Variants in TUBD1 observed in about 807,000 individuals in gnomAD.
The protein encoded by TUBD1 is tubulin delta 1.
In TUBD1, 38 loss-of-function variants were observed where a neutral mutation model predicts 51.2. The ratio of observed to expected loss-of-function variants is 0.74; its 90% CI spans 0.57 to 0.97. The LOEUF (loss-of-function observed/expected upper bound fraction) is 0.97. Ranked by LOEUF, TUBD1 falls within the 50% of genes least tolerant of loss-of-function variation. The probability of loss-of-function intolerance (pLI) is 0.00; values close to 1 mark genes in which losing one functional copy is unlikely to be tolerated. For synonymous variants in TUBD1, 169 were observed against 178.2 expected (o/e 0.95, Z 0.41); for missense variants, 489 against 538.4 (o/e 0.91, Z 0.91).
chr17:59,875,579 T>C (rs532332689), intron 5 of TUBD1, among the ~76,000 whole-genome samples: 5 of 151,732 alleles, frequency 3.3e-5, no homozygotes, highest in African/African-American at 9.7e-5. Flanking sequence ...TTGGTCTTAA[T>C]AGAAACACTG....
chr17:59,889,685 A>AG (rs2040904945), intron 2 of TUBD1, among the ~76,000 whole-genome samples: 1 of 149,812 alleles, frequency 6.7e-6, no homozygotes, highest in African/African-American at 2.5e-5. Context: ...AAAAAAAAAA[A>AG]AAGAAAAAGA....
At chr17:59,868,283 CAA>C (rs11401623) in intron 6 of TUBD1, among the ~76,000 whole-genome samples, 4 of 49,128 alleles carry the variant, frequency 8.1e-5, no homozygotes, top group African/African-American at 1.5e-4. Context: ...GACTCCATGT[CAA>C]AAAAAAAAAA....
intron 3 of TUBD1, among the ~76,000 whole-genome samples, chr17:59,881,991 C>G (rs937842944): frequency 6.6e-6 from 1 of 152,020 alleles, no homozygotes; most frequent in African/African-American, 2.4e-5. Context: ...TTGATATATA[C>G]AATAAATTAT....
chr17:59,875,213 A>G (rs1364743035), intron 5 of TUBD1, among the ~76,000 whole-genome samples: 1 of 150,202 alleles, frequency 6.7e-6, no homozygotes, highest in Non-Finnish European at 1.5e-5. Flanking sequence ...AGTAGCTGAG[A>G]CTACAGGCAC....
chr17:59,868,759 C>T (rs1030413781), intron 6 of TUBD1, among the ~76,000 whole-genome samples: 26 of 151,962 alleles, frequency 1.7e-4, no homozygotes, highest in Non-Finnish European at 2.6e-4. Flanking sequence ...ATCGCTTGAA[C>T]CCGGGAGGCG....
At chr17:59,887,490 G>C (rs2040789764) in intron 2 of TUBD1, among the ~76,000 whole-genome samples, 1 of 152,130 alleles carries the variant, frequency 6.6e-6, no homozygotes. Flanking sequence ...AAAGTACCAT[G>C]GGTACAACAT....
At chr17:59,865,035 C>A (rs990826946) in intron 7 of TUBD1, among the ~76,000 whole-genome samples, 1 of 150,420 alleles carries the variant, frequency 6.6e-6, no homozygotes, top group African/African-American at 2.4e-5. Flanking sequence ...GTTTAAAATT[C>A]TTTGTGGAGA....
At chr17:59,885,933 G>A in intron 3 of TUBD1, 150 bp downstream of exon 3, 1 of 856,470 alleles carries the variant, frequency 1.2e-6, no homozygotes, top group Non-Finnish European at 1.8e-6. Flanking sequence ...TGGAATGAAA[G>A]TTTCTTCTGG....
chr17:59,884,987 TCAG>T, intron 3 of TUBD1: 1 of 249,300 alleles, frequency 4.0e-6, no homozygotes, highest in Non-Finnish European at 8.0e-6. Context: ...AATCAGAATC[TCAG>T]CAGAAGGGAA....
At chr17:59,861,474 C>A (rs901825617) in intron 8 of TUBD1, among the ~76,000 whole-genome samples, 10 of 152,024 alleles carry the variant, frequency 6.6e-5, no homozygotes. Context: ...GCTGGGGTTA[C>A]AAGCGTGAGC....
At position 59,881,122 on chromosome 17, in the gene TUBD1, C is replaced by T. The variant is rs757972904; in HGVS notation, c.321-12G>A. 3 of 1,579,024 alleles carry T rather than the reference C, an allele frequency of 1.9e-6. No individual in the cohort carries two copies. The highest frequency in any genetic ancestry group is 3.3e-5 in the Admixed American group (2 of 59,756). ...CATGAACAGAGTAACTATGCAATGG[C>T]AAAAGAAACAAACACAAACACTTTT... On this transcript the variant is annotated splice_polypyrimidine_tract_variant and intron_variant, in intron 3 of 8. Coordinates refer to ENST00000325752, the MANE Select transcript of TUBD1 (RefSeq NM_016261.4).
At chr17:59,885,212 GGAT>G (rs2040666252) in intron 3 of TUBD1, 3 of 457,528 alleles carry the variant, frequency 6.6e-6, no homozygotes, top group Admixed American at 2.7e-5. Flanking sequence ...AGCCTTACCC[GGAT>G]GATGACATGG....
intron 2 of TUBD1, among the ~76,000 whole-genome samples, chr17:59,889,005 C>A (rs1012060103): frequency 2.2e-5 from 3 of 139,432 alleles, no homozygotes; most frequent in African/African-American, 8.1e-5. Flanking sequence ...AGCCACCATG[C>A]CTGGCTTTTT....
intron 6 of TUBD1, among the ~76,000 whole-genome samples, chr17:59,870,845 C>T (rs187678646): frequency 6.6e-6 from 1 of 152,318 alleles, no homozygotes; most frequent in Non-Finnish European, 1.5e-5. Flanking sequence ...ATTCAGTGCC[C>T]GGAGCAACTA....
chr17:59,888,822 C>T (rs993336482), intron 2 of TUBD1, among the ~76,000 whole-genome samples: 35 of 152,010 alleles, frequency 2.3e-4, no homozygotes, highest in African/African-American at 8.4e-4. Flanking sequence ...AGCGATTCTC[C>T]TGCCTCAGCC....
intron 5 of TUBD1, among the ~76,000 whole-genome samples, chr17:59,875,534 G>A (rs925967653): frequency 2.6e-5 from 4 of 151,656 alleles, no homozygotes; most frequent in Non-Finnish European, 4.4e-5. Context: ...AGATCATGAG[G>A]TCAGGAGTTT....
At chr17:59,873,780 G>A (rs181285729) in intron 6 of TUBD1, among the ~76,000 whole-genome samples, 74 of 152,240 alleles carry the variant, frequency 4.9e-4, no homozygotes, top group Middle Eastern at 3.4e-3. Flanking sequence ...CAGAAGAACT[G>A]CTTGAATCCG....
chr17:59,874,494 A>G (rs753774010), intron 6 of TUBD1, 45 bp downstream of exon 6: 10 of 1,590,102 alleles, frequency 6.3e-6, no homozygotes, highest in South Asian at 1.1e-5. Flanking sequence ...CAGGACAGAC[A>G]TTTTTTCCAG....
chr17:59,882,490 T>A (rs2040534046), intron 3 of TUBD1, among the ~76,000 whole-genome samples: 1 of 151,824 alleles, frequency 6.6e-6, no homozygotes, highest in Non-Finnish European at 1.5e-5. Context: ...TTTCACCATG[T>A]TGGCCAGGCT....
Sources: gnomAD v4.1 joint callset for allele counts (sites outside exome capture counted in the v4.1 genomes callset) on GRCh38, gnomAD v4.1.1 for gene constraint, MANE v1.5 for transcripts, NCBI Gene and HGNC (gene_info 2026-07-23, HGNC 2026-07-21) for gene names.